SPATC1L: variants seen among roughly 807,000 people sequenced by gnomAD.
SPATC1L encodes the protein spermatogenesis and centriole associated 1 like, also known as speriolin-like protein.
Under a neutral mutation model 21.2 loss-of-function variants are expected in SPATC1L, and 20 were observed. That is an observed-to-expected ratio of 0.94 (90% CI 0.66 to 1.37). The LOEUF is 1.37. Ranked by LOEUF, SPATC1L falls within the 40% of genes most tolerant of loss-of-function variation. The pLI is 0.00. For synonymous variants in SPATC1L, 290 were observed against 234.5 expected (o/e 1.24, Z -2.16); for missense variants, 499 against 478.7 (o/e 1.04, Z -0.40).
intron 1 of SPATC1L, among the ~76,000 whole-genome samples, 168 bp from the exon 2 acceptor site, chr21:46,183,942 G>A (rs2079702744): frequency 1.4e-5 from 2 of 138,232 alleles, no homozygotes; most frequent in Admixed American, 1.5e-4. Flanking sequence ...CCTTGTGGGG[G>A]AGACCAGCCT....
chr21:46,162,187 C>T (rs1394504507), intron 3 of SPATC1L, 120 bp from the exon 4 acceptor site: 3 of 1,164,634 alleles, frequency 2.6e-6, no homozygotes, highest in Admixed American at 2.7e-5. Context: ...TGCCGCCACC[C>T]CCCACTGTCT....
intron 2 of SPATC1L, among the ~76,000 whole-genome samples, chr21:46,169,980 G>A (rs1383352016): frequency 3.7e-5 from 1 of 26,822 alleles, no homozygotes. Flanking sequence ...GGAGCCCCCT[G>A]CTCTGTGAGC....
rs574555858 is a variant in SPATC1L, at chr21:46,182,028, T to C, written c.193+596A>G. ...AGCCACAGAAGGTCGGAGTCAATGC[T>C]ATGTGGTGAGTGGATCATGGCTCCA... On this transcript the variant is annotated intron_variant, in intron 2 of 4. Transcript: ENST00000291672. 3.1e-4 allele frequency among the ~76,000 whole-genome samples: 47 copies of C among 152,328 alleles called. No individual in the cohort carries two copies. In the South Asian group the frequency reaches 9.1e-3, roughly 30 times the overall value.
chr21:46,171,132 C>T (rs912388522), intron 2 of SPATC1L, among the ~76,000 whole-genome samples: 13 of 152,256 alleles, frequency 8.5e-5, no homozygotes, highest in African/African-American at 3.1e-4. Flanking sequence ...CCCACCAACA[C>T]CTCCTGGCCC....
rs181074880 is a variant in SPATC1L, at chr21:46,173,095, G to A, written c.194-4437C>T. The stretch of plus-strand genomic sequence containing the variant: ...CTGGTGCAGGAACACAGCCAGGGAC[G>A]GCCGTCCCCCAGGCTTGATTTGCTC... On this transcript the variant is annotated intron_variant, in intron 2 of 4. Coordinates refer to ENST00000291672, the MANE Select transcript of SPATC1L (RefSeq NM_001142854.2). 1.8e-3 allele frequency among the ~76,000 whole-genome samples: 276 copies of A among 152,286 alleles called. 1 individual carries two copies. Among genetic ancestry groups the A allele is most frequent in the African/African-American group, 6.4e-3 (264 of 41,554 alleles).
In SPATC1L at chr21:46,161,693, A is replaced by C; in HGVS notation, c.709T>G (p.Ser237Ala). Reference sequence around the variant, plus strand: ...CTCTCGTCCACGGAGCCGTCCAGAGACTTGGTGGAGGTCTGCGGGCGCAGC... The same window carrying C: ...CTCTCGTCCACGGAGCCGTCCAGAGCCTTGGTGGAGGTCTGCGGGCGCAGC... ...PEKIEQTSTK[S>A]LDGSVDERKL... The change falls in exon 5 of 5, where the codon TCT becomes GCT. Residue 237 changes from serine (S) to alanine (A), a missense_variant. Ser to Ala is a moderately conservative substitution (Grantham distance 99). Coordinates refer to ENST00000291672, the MANE Select transcript of SPATC1L (RefSeq NM_001142854.2). 6.3e-7 allele frequency: 1 copy of C among 1,596,734 alleles called. No homozygotes were observed. Among genetic ancestry groups the C allele is most frequent in the Admixed American group, 1.7e-5 (1 of 59,008 alleles).
chr21:46,172,695 G>A (rs184961149), intron 2 of SPATC1L, among the ~76,000 whole-genome samples: 1 of 152,366 alleles, frequency 6.6e-6, no homozygotes, highest in African/African-American at 2.4e-5. Context: ...TGGATTGGAA[G>A]GGCGGGATGG....
chr21:46,182,953 A>G lies in SPATC1L; in HGVS notation c.-137T>C, dbSNP rs1417717809. ...ACCGCCTTCCACGCCTTGTGATGTC[A>G]CTGCCCTAGTGATGAGGTGCCCAGC... On this transcript the variant is annotated 5_prime_UTR_variant, in exon 2 of 5. Coordinates refer to ENST00000291672, the MANE Select transcript of SPATC1L (RefSeq NM_001142854.2). The G allele has an allele frequency of 1.1e-6, 1 of 906,950 alleles. No individual in the cohort carries two copies. The highest frequency in any genetic ancestry group is 1.6e-6 in the Non-Finnish European group (1 of 626,630). The allele number at this position is 906,950 out of a possible 1,614,324, so 56.2% of individuals were successfully genotyped here. A position where few individuals can be genotyped will look rare whatever the true frequency, so the allele number is the denominator to read the frequency against.
intron 3 of SPATC1L, among the ~76,000 whole-genome samples, chr21:46,167,623 T>G (rs974061043): frequency 6.6e-6 from 1 of 152,126 alleles, no homozygotes; most frequent in Non-Finnish European, 1.5e-5. Context: ...AAGACCAGCC[T>G]GGGCATCGTA....
At chr21:46,179,089 AAAT>A (rs879626533) in intron 2 of SPATC1L, among the ~76,000 whole-genome samples, 10,998 of 123,058 alleles carry the variant, frequency 0.089, 440 homozygotes, top group African/African-American at 0.12. Flanking sequence ...AAAAAAAAAA[AAAT>A]TTTTAACTAG....
chr21:46,164,220 T>C (rs2079524034), intron 3 of SPATC1L, among the ~76,000 whole-genome samples: 1 of 152,110 alleles, frequency 6.6e-6, no homozygotes, highest in African/African-American at 2.4e-5. Context: ...GCCCTGTTGC[T>C]GAGGCTGGTC....
chr21:46,174,475 C>T (rs2079617603), intron 2 of SPATC1L, among the ~76,000 whole-genome samples: 1 of 151,902 alleles, frequency 6.6e-6, no homozygotes, highest in South Asian at 2.1e-4. Context: ...GAAAAATCTA[C>T]CAAGCAAATG....
chr21:46,172,996 C>T (rs1448746963), intron 2 of SPATC1L, among the ~76,000 whole-genome samples: 4 of 152,222 alleles, frequency 2.6e-5, no homozygotes, highest in Non-Finnish European at 4.4e-5. Context: ...CCACCATGGA[C>T]ACTCTAGTTG....
intron 2 of SPATC1L, among the ~76,000 whole-genome samples, chr21:46,178,246 AAAAAAAAAAAC>A (rs987435862): frequency 6.6e-5 from 10 of 151,642 alleles, no homozygotes; most frequent in Non-Finnish European, 1.3e-4. Flanking sequence ...AAAAAAAAAA[AAAAAAAAAAAC>A]CAGAATGAGA....
At position 46,182,723 on chromosome 21, in the gene SPATC1L, G is replaced by C; in HGVS notation, c.94C>G (p.Arg32Gly). The C allele has an allele frequency of 6.5e-7, 1 of 1,546,966 alleles. No individual in the cohort carries two copies. The highest frequency in any genetic ancestry group is 8.7e-7 in the Non-Finnish European group (1 of 1,146,648). ...TGGCAGCTCTGGCTGAGCAGCCGCC[G>C]CAGCATCTGATTCTCCTTCAGGAGG... ...VRLLKENQML[R>G]RLLSQSCQEG... Residue 32 changes from arginine (R) to glycine (G), a missense_variant, in exon 2 of 5, where the codon CGG (arginine) becomes GGG (glycine). Arg to Gly is a moderately radical substitution (Grantham distance 125). Coordinates refer to ENST00000291672, the MANE Select transcript of SPATC1L (RefSeq NM_001142854.2).
rs1276577997 is a variant in SPATC1L, at chr21:46,168,529, G to C, written c.323C>G (p.Ala108Gly). Residue 108 changes from alanine to glycine, a missense_variant, in exon 3 of 5, where the codon GCC (alanine) becomes GGC (glycine). Transcript: ENST00000291672. ...SEDDTSPGCA[A>G]PSQAPFKAFL... is the part of the protein sequence containing the mutation. ...GGCCTTGAAGGGTGCCTGGGAGGGG[G>C]CTGCACAGCCCGGGGAGGTGTCGTC... 1 of 1,533,666 alleles carries C rather than the reference G, an allele frequency of 6.5e-7. No homozygotes were observed. The highest frequency in any genetic ancestry group is 8.8e-7 in the Non-Finnish European group (1 of 1,132,948).
At chr21:46,180,359 C>T (rs906626868) in intron 2 of SPATC1L, among the ~76,000 whole-genome samples, 18 of 152,196 alleles carry the variant, frequency 1.2e-4, no homozygotes, top group Non-Finnish European at 2.9e-5. Flanking sequence ...CAGAGAAAAC[C>T]CAAGAGAACG....
At position 46,161,428 on chromosome 21, in the gene SPATC1L, C is replaced by G; in HGVS notation, c.974G>C (p.Cys325Ser). The change falls in exon 5 of 5, where the codon TGC becomes TCC. Residue 325 changes from cysteine to serine, a missense_variant. Physicochemically the swap from Cys to Ser is moderately radical, Grantham distance 112. Transcript: ENST00000291672. ...GTCCTCCTTGGAGAGCTCGCACAGG[C>G]AGTTGAGCAGCAGCAGCGAGTCGCC... The part of the protein sequence containing the change: ...FLGDSLLLLN[C>S]LCELSKEDGK... The G allele has an allele frequency of 6.4e-7, 1 of 1,571,106 alleles. No individual in the cohort carries two copies. The highest frequency in any genetic ancestry group is 8.6e-7 in the Non-Finnish European group (1 of 1,159,448).
At chr21:46,164,582 A>G (rs1261376629) in intron 3 of SPATC1L, among the ~76,000 whole-genome samples, 2 of 152,092 alleles carry the variant, frequency 1.3e-5, no homozygotes, top group Non-Finnish European at 2.9e-5. Context: ...TCACAAGGTC[A>G]GGAGTTCGAG....
Sources: gnomAD v4.1 joint callset for allele counts (sites outside exome capture counted in the v4.1 genomes callset) on GRCh38, gnomAD v4.1.1 for gene constraint, MANE v1.5 for transcripts, NCBI Gene and HGNC (gene_info 2026-07-23, HGNC 2026-07-21) for gene names.